The following ZNF385B variants were observed in gnomAD, a reference collection of about 807,000 sequenced individuals.
ZNF385B encodes zinc finger protein 533.
In ZNF385B, 23 loss-of-function variants were observed where a neutral mutation model predicts 39.2. The observed-to-expected ratio is 0.59, with a 90% CI of 0.42 to 0.83. The LOEUF (loss-of-function observed/expected upper bound fraction) is 0.83. Ranked by LOEUF, ZNF385B falls within the 40% of genes least tolerant of loss-of-function variation. The pLI is 0.00. For synonymous variants in ZNF385B, 205 were observed against 222.6 expected (o/e 0.92, Z 0.70); for missense variants, 552 against 598.9 (o/e 0.92, Z 0.82).
chr2:179,461,136 TTGCAGGATG>T (rs2051288058), intron 6 of ZNF385B, among the ~76,000 whole-genome samples: 1 of 152,192 alleles, frequency 6.6e-6, no homozygotes, highest in African/African-American at 2.4e-5. Context: ...TGGGGTCTGA[TTGCAGGATG>T]TGAGGTGGAG....
At chr2:179,757,529 C>A (rs1184311907) in intron 3 of ZNF385B, among the ~76,000 whole-genome samples, 1 of 152,202 alleles carries the variant, frequency 6.6e-6, no homozygotes, top group Non-Finnish European at 1.5e-5. Flanking sequence ...GTTTCTGCTG[C>A]CTTTTGTTTG....
In ZNF385B at chr2:179,632,703, G is replaced by A. The variant is rs184853027; in HGVS notation, c.299-87734C>T. 2.6e-3 allele frequency among the ~76,000 whole-genome samples: 396 copies of A among 152,230 alleles called. 1 individual carries two copies. The highest frequency in any genetic ancestry group is 9.0e-3 in the African/African-American group (373 of 41,528). On this transcript the variant is annotated intron_variant, in intron 3 of 9. Transcript: ENST00000410066. ...AGAAGGTAAGAAATAACTAAGATCA[G>A]AGCAGAACTGAAAGAGATGGAGACA...
intron 3 of ZNF385B, among the ~76,000 whole-genome samples, chr2:179,754,131 T>G (rs1441752755): frequency 6.6e-6 from 1 of 152,198 alleles, no homozygotes; most frequent in Non-Finnish European, 1.5e-5. Context: ...TATTGAGAGT[T>G]TTTAGCATGA....
chr2:179,476,725 G>C (rs1462691033), intron 6 of ZNF385B, among the ~76,000 whole-genome samples: 1 of 152,126 alleles, frequency 6.6e-6, no homozygotes, highest in Non-Finnish European at 1.5e-5. Context: ...AAAGATGGAG[G>C]CAGTTCTATT....
intron 6 of ZNF385B, among the ~76,000 whole-genome samples, chr2:179,447,310 G>A (rs1379498285): frequency 6.6e-6 from 1 of 152,072 alleles, no homozygotes; most frequent in Non-Finnish European, 1.5e-5. Context: ...TCTGTGGATG[G>A]CAATGCAATT....
chr2:179,767,858 A>T (rs533249435), intron 3 of ZNF385B, among the ~76,000 whole-genome samples: 1 of 151,190 alleles, frequency 6.6e-6, no homozygotes, highest in Non-Finnish European at 1.5e-5. Context: ...ACTTTTACTC[A>T]GGCTATGTGT....
chr2:179,473,191 G>T (rs12465524), intron 6 of ZNF385B, among the ~76,000 whole-genome samples: 2 of 152,082 alleles, frequency 1.3e-5, no homozygotes, highest in Non-Finnish European at 2.9e-5. Context: ...AGGCCCTTCC[G>T]CATCTTTAAA....
chr2:179,654,907 T>C (rs1405294433), intron 3 of ZNF385B, among the ~76,000 whole-genome samples: 1 of 152,162 alleles, frequency 6.6e-6, no homozygotes, highest in Admixed American at 6.5e-5. Context: ...CTTTTTAAAG[T>C]CAAAACTTCC....
intron 3 of ZNF385B, among the ~76,000 whole-genome samples, chr2:179,719,681 T>A (rs1700558379): frequency 1.3e-5 from 2 of 152,230 alleles, no homozygotes; most frequent in African/African-American, 4.8e-5. Flanking sequence ...GGGAACAGCA[T>A]GTTAACATGA....
At chr2:179,460,809 T>C (rs970785889) in intron 6 of ZNF385B, among the ~76,000 whole-genome samples, 5 of 152,146 alleles carry the variant, frequency 3.3e-5, no homozygotes, top group Admixed American at 3.3e-4. Flanking sequence ...TCCCATTCCC[T>C]AGCCCCCTGC....
intron 3 of ZNF385B, among the ~76,000 whole-genome samples, chr2:179,760,425 T>C (rs1703312550): frequency 6.6e-6 from 1 of 152,206 alleles, no homozygotes; most frequent in Non-Finnish European, 1.5e-5. Context: ...ATGGAATTCA[T>C]ACAGTATGTT....
intron 5 of ZNF385B, among the ~76,000 whole-genome samples, chr2:179,504,111 G>A (rs1295819683): frequency 6.7e-6 from 1 of 149,732 alleles, no homozygotes; most frequent in East Asian, 2.0e-4. Context: ...CCACCTATGA[G>A]TGAGAATATG....
chr2:179,856,795 G>A (rs1260670031), intron 1 of ZNF385B, among the ~76,000 whole-genome samples: 2 of 152,130 alleles, frequency 1.3e-5, no homozygotes, highest in African/African-American at 4.8e-5. Flanking sequence ...GTAAAATGAG[G>A]TAAAAATACA....
chr2:179,447,174 C>T (rs1055944607), intron 6 of ZNF385B, among the ~76,000 whole-genome samples: 1 of 152,128 alleles, frequency 6.6e-6, no homozygotes, highest in Non-Finnish European at 1.5e-5. Flanking sequence ...CATTTGACTA[C>T]TTATGTTTAA....
chr2:179,712,365 C>A (rs575503961), intron 3 of ZNF385B, among the ~76,000 whole-genome samples: 1 of 152,304 alleles, frequency 6.6e-6, no homozygotes, highest in African/African-American at 2.4e-5. Flanking sequence ...TACTAGCCTC[C>A]TTGTTCATGC....
chr2:179,602,487 T>C (rs1203860538), intron 3 of ZNF385B, among the ~76,000 whole-genome samples: 1 of 151,972 alleles, frequency 6.6e-6, no homozygotes, highest in Non-Finnish European at 1.5e-5. Context: ...GTGTGAGCCA[T>C]CGCACCCAGC....
intron 6 of ZNF385B, among the ~76,000 whole-genome samples, chr2:179,457,288 A>G (rs2050805014): frequency 6.6e-6 from 1 of 152,166 alleles, no homozygotes; most frequent in South Asian, 2.1e-4. Flanking sequence ...TACCGATGAA[A>G]ATTTAAAATG....
intron 3 of ZNF385B, among the ~76,000 whole-genome samples, chr2:179,657,660 A>C (rs1309394218): frequency 5.3e-5 from 8 of 152,240 alleles, no homozygotes; most frequent in African/African-American, 1.4e-4. Context: ...CAGTTTCAGC[A>C]ATCCTAGAAA....
chr2:179,803,907 C>T (rs980593418), intron 1 of ZNF385B, among the ~76,000 whole-genome samples: 7 of 152,114 alleles, frequency 4.6e-5, no homozygotes, highest in Admixed American at 3.9e-4. Flanking sequence ...AATCCTGTAT[C>T]TGGAAATAAG....
Sources: allele counts gnomAD v4.1 joint callset (sites outside exome capture counted in the v4.1 genomes callset), GRCh38; gene constraint gnomAD v4.1.1; transcripts MANE v1.5; gene names NCBI Gene and HGNC (gene_info 2026-07-23, HGNC 2026-07-21).